The following EBF3 variants were observed in gnomAD, a reference collection of about 807,000 sequenced individuals.
The protein encoded by EBF3 is EBF transcription factor 3, also known as transcription factor COE3.
EBF3 carries 18 observed loss-of-function variants against 77.1 expected under a neutral mutation model. The observed-to-expected ratio is 0.23, with a 90% CI of 0.16 to 0.35. The LOEUF is 0.35. EBF3 is among the 10% of genes least tolerant of loss of function. EBF3 has a pLI of 1.00. For synonymous variants in EBF3, 350 were observed against 343.5 expected (o/e 1.02, Z -0.21); for missense variants, 558 against 860.0 (o/e 0.65, Z 4.39).
Position 129,848,549 on chromosome 10 carries a change from C to T in EBF3, c.1040-69G>A, listed in dbSNP as rs1850636563. ...TGTCATCCATTACTCGTTTATTGCA[C>T]ACTTACAAATAAATGTGTAGTTCTC... On this transcript the variant is annotated intron_variant, in intron 10 of 16. Transcript: ENST00000440978. The surrounding 1 kb of genome is among the most constrained non-coding windows in gnomAD (Gnocchi z 4.4). 6.7e-7 allele frequency: 1 copy of T among 1,500,398 alleles called. No homozygotes were observed. The highest frequency in any genetic ancestry group is 1.7e-5 in the Admixed American group (1 of 59,866). The allele number at this position is 1,500,398 out of a possible 1,614,324, so 92.9% of individuals were successfully genotyped here.
Position 129,843,429 on chromosome 10 carries a change from C to T in EBF3, c.1129-227G>A, listed in dbSNP as rs1250311032. ...GGCTGAATAAAAGCGTTTTCTGTGG[C>T]TCCTCCATCCGGTTGGGCTCACAGA... On this transcript the variant is annotated intron_variant, in intron 11 of 16. Coordinates refer to ENST00000440978, the MANE Select transcript of EBF3 (RefSeq NM_001375380.1). 8.1e-6 allele frequency: 4 copies of T among 491,622 alleles called. No homozygotes were observed. In the East Asian group the frequency reaches 1.2e-4, roughly 15 times the overall value. The allele number at this position is 491,622 out of a possible 1,614,324, so 30.5% of individuals were successfully genotyped here.
In EBF3 at chr10:129,839,204, T is replaced by C. The variant is rs1394819184; in HGVS notation, c.1760-9A>G. The C allele has an allele frequency of 1.7e-6, 2 of 1,207,758 alleles. No homozygotes were observed. The highest frequency in any genetic ancestry group is 1.6e-5 in the African/African-American group (1 of 63,866). 74.8% of individuals were successfully genotyped at this position (1,207,758 alleles called of 1,614,324 possible). ...AGCACCCAGCAGAGAGCCTGGTACA[T>C]AGTAGGTGCTCAGTAAATACTGGTT... is the stretch of plus-strand genomic sequence containing the variant. On this transcript the variant is annotated splice_polypyrimidine_tract_variant and intron_variant, in intron 15 of 16. Transcript: ENST00000440978.
Position 129,863,805 on chromosome 10 carries a change from C to G in EBF3, c.1039+3336G>C, listed in dbSNP as rs1851804613. Among the ~76,000 whole-genome samples, 1 of 152,238 alleles carries G rather than the reference C, an allele frequency of 6.6e-6. No homozygotes were observed. Among genetic ancestry groups the G allele is most frequent in the Non-Finnish European group, 1.5e-5 (1 of 68,036 alleles). Reference sequence around the variant, plus strand: ...GACAGGTCATGACCCTACCTTTCCTCTGCTCCCCAGCCTGTAGAGCCTGTA... The same window carrying G: ...GACAGGTCATGACCCTACCTTTCCTGTGCTCCCCAGCCTGTAGAGCCTGTA... On this transcript the variant is annotated intron_variant, in intron 10 of 16. Coordinates refer to ENST00000440978, the MANE Select transcript of EBF3 (RefSeq NM_001375380.1). This position sits in a 1 kb window ranked among gnomAD's most constrained non-coding sequence, Gnocchi z 4.0.
At position 129,963,935 on chromosome 10, in the gene EBF3, C is replaced by G. The variant is rs1318075211; in HGVS notation, c.-167G>C. 2 of 1,064,884 alleles carry G rather than the reference C, an allele frequency of 1.9e-6. No individual in the cohort carries two copies. Among genetic ancestry groups the G allele is most frequent in the African/African-American group, 1.7e-5 (1 of 58,808 alleles). 66.0% of individuals were successfully genotyped at this position (1,064,884 alleles called of 1,614,324 possible). A position where few individuals can be genotyped will look rare whatever the true frequency, so the allele number is the denominator to read the frequency against. ...CCGTCCCGGGCAGGCGCGACATACA[C>G]CAGCGGCCGGGCGCTCCGGACGGCC... On this transcript the variant is annotated 5_prime_UTR_variant, in exon 1 of 17. Transcript: ENST00000440978. This position sits in a 1 kb window ranked among gnomAD's most constrained non-coding sequence, Gnocchi z 7.1.
intron 6 of EBF3, among the ~76,000 whole-genome samples, chr10:129,927,493 C>T (rs768243862): frequency 5.9e-5 from 9 of 152,152 alleles, no homozygotes; most frequent in Non-Finnish European, 1.2e-4. Flanking sequence ...ACTAAGCCAA[C>T]ACGTGGCCCC....
chr10:129,839,695 A>G (rs1849870862), intron 15 of EBF3, among the ~76,000 whole-genome samples: 1 of 152,216 alleles, frequency 6.6e-6, no homozygotes, highest in Admixed American at 6.5e-5. Context: ...CCCAGCAGAT[A>G]AGGTGGAGAA....
chr10:129,839,714 C>T (rs1849872568), intron 15 of EBF3, among the ~76,000 whole-genome samples: 1 of 152,236 alleles, frequency 6.6e-6, no homozygotes, highest in Admixed American at 6.5e-5. Flanking sequence ...AACCAAGGCC[C>T]AGCCTCGGGA....
chr10:129,841,051 C>CCCCA lies in EBF3; in HGVS notation c.1373-20_1373-19insTGGG, dbSNP rs10674137. On this transcript the variant is annotated intron_variant, in intron 13 of 16. Transcript: ENST00000440978. This position sits in a 1 kb window ranked among gnomAD's most constrained non-coding sequence, Gnocchi z 4.6. The stretch of plus-strand genomic sequence containing the variant: ...TAGCCGACTGTTGAAATCCCCCCCC[C>CCCCA]GGCCAAAAATAACATTATTATCAGC... The CCCCA allele has an allele frequency of 1.2e-6, 2 of 1,603,878 alleles. No individual in the cohort carries two copies. Among genetic ancestry groups the CCCCA allele is most frequent in the Non-Finnish European group, 1.7e-6 (2 of 1,175,600 alleles).
intron 6 of EBF3, among the ~76,000 whole-genome samples, chr10:129,896,267 A>T (rs1039168438): frequency 6.6e-6 from 1 of 152,230 alleles, no homozygotes; most frequent in Non-Finnish European, 1.5e-5. Flanking sequence ...GCCGGATGTC[A>T]GGTGGCCTCA....
intron 7 of EBF3, among the ~76,000 whole-genome samples, chr10:129,877,170 AAATCAATCCCTC>A (rs1183569081): frequency 6.6e-6 from 1 of 152,042 alleles, no homozygotes; most frequent in Non-Finnish European, 1.5e-5. Context: ...CTCCCACTGA[AAATCAATCCCTC>A]AATCAATCCC....
intron 4 of EBF3, 52 bp from the exon 5 acceptor site, chr10:129,959,059 C>T (rs1237816004): frequency 6.3e-7 from 1 of 1,594,050 alleles, no homozygotes; most frequent in Non-Finnish European, 8.5e-7. Context: ...GCGGCTTTGG[C>T]GCCAAATCGC....
At chr10:129,950,645 A>AC (rs1211952906) in intron 6 of EBF3, among the ~76,000 whole-genome samples, 3 of 151,968 alleles carry the variant, frequency 2.0e-5, no homozygotes, top group African/African-American at 4.8e-5. Flanking sequence ...AACAACAACA[A>AC]AAAAAAACCC....
rs535960590 is a variant in EBF3, at chr10:129,956,442, ATCC to A, written c.554+813_554+815del. ...GCTACCCATTGTTGGAAAGAAAGAAATCCTCCTCTCCTGCACGGCACCGAAACC... is the reference window on the plus strand; with the variant it reads ...GCTACCCATTGTTGGAAAGAAAGAAATCCTCTCCTGCACGGCACCGAAACC... On this transcript the variant is annotated intron_variant, in intron 6 of 16. Transcript: ENST00000440978. Among the ~76,000 whole-genome samples the A allele has an allele frequency of 2.6e-4, 40 of 152,278 alleles. No homozygotes were observed. In the South Asian group the frequency reaches 8.3e-3, roughly 32 times the overall value.
intron 6 of EBF3, among the ~76,000 whole-genome samples, chr10:129,887,984 T>C (rs1045394076): frequency 6.6e-6 from 1 of 152,200 alleles, no homozygotes; most frequent in East Asian, 1.9e-4. Flanking sequence ...TCCATCCCAA[T>C]CGGCCTCGTG....
chr10:129,838,097 G>A (rs1590020750), intron 16 of EBF3, 137 bp from the exon 17 acceptor site: 4 of 1,040,082 alleles, frequency 3.8e-6, no homozygotes, highest in East Asian at 2.6e-5. Context: ...ACCAGCCTCG[G>A]GCGTGGTTAG....
rs1034352349 is a variant in EBF3, at chr10:129,952,430, G to A, written c.554+4828C>T. ...TTTTTAAAATCCTCCTTGACAGGCC[G>A]GGGCTTAGCCAAAATGTAAATGACA... On this transcript the variant is annotated intron_variant, in intron 6 of 16. Transcript: ENST00000440978. The surrounding 1 kb of genome is among the most constrained non-coding windows in gnomAD (Gnocchi z 4.7). Among the ~76,000 whole-genome samples the A allele has an allele frequency of 1.4e-4, 21 of 152,250 alleles. No individual in the cohort carries two copies. The highest frequency in any genetic ancestry group is 2.5e-4 in the Non-Finnish European group (17 of 68,020).
chr10:129,904,516 A>G (rs903848807), intron 6 of EBF3, among the ~76,000 whole-genome samples: 1 of 151,854 alleles, frequency 6.6e-6, no homozygotes, highest in African/African-American at 2.4e-5. Context: ...TGGATAGACA[A>G]GTGCACATAT....
At chr10:129,896,661 A>AC (rs1159708465) in intron 6 of EBF3, among the ~76,000 whole-genome samples, 3 of 152,142 alleles carry the variant, frequency 2.0e-5, no homozygotes, top group Non-Finnish European at 2.9e-5. Context: ...AGCTCCGCTG[A>AC]CCTCGCCGGT....
chr10:129,916,009 AC>A (rs1855863048), intron 6 of EBF3, among the ~76,000 whole-genome samples: 1 of 152,220 alleles, frequency 6.6e-6, no homozygotes, highest in African/African-American at 2.4e-5. Flanking sequence ...ACCATGATTC[AC>A]GTGGAGCTGG....
Sources: allele counts gnomAD v4.1 joint callset (sites outside exome capture counted in the v4.1 genomes callset), GRCh38; gene constraint gnomAD v4.1.1; non-coding constraint Gnocchi (gnomAD v3.1); transcripts MANE v1.5; gene names NCBI Gene and HGNC (gene_info 2026-07-23, HGNC 2026-07-21).